TSPAN9: variants seen among roughly 807,000 people sequenced by gnomAD.
TSPAN9 encodes the protein tetraspanin-9.
A neutral mutation model predicts 31.0 loss-of-function variants in TSPAN9; 16 were observed. The observed-to-expected ratio is 0.52, with a 90% confidence interval of 0.35 to 0.78. The LOEUF (loss-of-function observed/expected upper bound fraction) is 0.78. TSPAN9 is among the 30% of genes least tolerant of loss of function. TSPAN9 has a pLI of 0.01. For missense variants in TSPAN9, 272 were observed against 312.5 expected (o/e 0.87, Z 0.98); for synonymous variants, 145 against 121.6 (o/e 1.19, Z -1.27).
intron 3 of TSPAN9, among the ~76,000 whole-genome samples, chr12:3,264,518 A>G (rs2153979373): frequency 6.6e-6 from 1 of 152,276 alleles, no homozygotes. Flanking sequence ...CGGCAGAGGG[A>G]GTAGAGCCCA....
intron 2 of TSPAN9, among the ~76,000 whole-genome samples, chr12:3,183,112 G>T (rs945497033): frequency 6.6e-6 from 1 of 152,212 alleles, no homozygotes; most frequent in African/African-American, 2.4e-5. Context: ...CACCCGCGGT[G>T]GCCAAGTGCT....
intron 3 of TSPAN9, among the ~76,000 whole-genome samples, chr12:3,227,342 G>A (rs919863579): frequency 6.6e-6 from 1 of 152,172 alleles, no homozygotes; most frequent in African/African-American, 2.4e-5. Flanking sequence ...TTGCCCTGCT[G>A]GGGGCAGGCT....
intron 2 of TSPAN9, among the ~76,000 whole-genome samples, chr12:3,165,530 G>A (rs1390709208): frequency 1.3e-5 from 2 of 152,136 alleles, no homozygotes; most frequent in African/African-American, 4.8e-5. Context: ...AAATGTTAGT[G>A]AGTGAGTTCT....
At chr12:3,120,977 G>C (rs1268748986) in intron 2 of TSPAN9, among the ~76,000 whole-genome samples, 6 of 152,236 alleles carry the variant, frequency 3.9e-5, no homozygotes, top group Non-Finnish European at 8.8e-5. Flanking sequence ...GGAGTCAGTA[G>C]GCCTGGGTCC....
In TSPAN9 at chr12:3,081,844, G is replaced by GTATATATA. The variant is rs57307487; in HGVS notation, c.-84-1807_-84-1800dup. ...TGTGTGTGTGTGTGTGTCTGTGTGT[G>GTATATATA]TATATATATGCCAGGTGTGGTGGTA... On this transcript the variant is annotated intron_variant, in intron 1 of 8. Coordinates refer to ENST00000011898, the MANE Select transcript of TSPAN9 (RefSeq NM_006675.5). Among the ~76,000 whole-genome samples, 35 of 116,768 alleles carry GTATATATA rather than the reference G, an allele frequency of 3.0e-4. 1 individual carries two copies. Among genetic ancestry groups the GTATATATA allele is most frequent in the African/African-American group, 1.2e-3 (32 of 27,444 alleles). The allele number at this position is 116,768 out of a possible 152,430, so 76.6% of individuals were successfully genotyped here. A position where few individuals can be genotyped will look rare whatever the true frequency, so the allele number is the denominator to read the frequency against.
intron 3 of TSPAN9, among the ~76,000 whole-genome samples, chr12:3,254,654 C>G (rs1358270174): frequency 2.0e-5 from 3 of 152,200 alleles, no homozygotes; most frequent in Non-Finnish European, 4.4e-5. Flanking sequence ...TGTGTATTAA[C>G]TTATTTTTGC....
chr12:3,117,929 G>A (rs2098323179), intron 2 of TSPAN9, among the ~76,000 whole-genome samples: 1 of 152,082 alleles, frequency 6.6e-6, no homozygotes, highest in Admixed American at 6.6e-5. Flanking sequence ...CCTCAGGGCT[G>A]GGAGGTGAAG....
intron 2 of TSPAN9, among the ~76,000 whole-genome samples, chr12:3,161,371 T>G (rs1237362132): frequency 1.3e-5 from 2 of 152,254 alleles, no homozygotes; most frequent in African/African-American, 4.8e-5. Context: ...TTTATAGTTT[T>G]AACTCTTACA....
chr12:3,132,663 C>T (rs2098330312), intron 2 of TSPAN9, among the ~76,000 whole-genome samples: 2 of 152,224 alleles, frequency 1.3e-5, no homozygotes, highest in Admixed American at 6.5e-5. Context: ...CAGGGCAGGC[C>T]TCCAGCTAGG....
At chr12:3,158,937 C>T (rs571204367) in intron 2 of TSPAN9, among the ~76,000 whole-genome samples, 4 of 151,704 alleles carry the variant, frequency 2.6e-5, no homozygotes, top group Non-Finnish European at 5.9e-5. Flanking sequence ...ACGTACTCCT[C>T]CTTTGCCCGG....
intron 2 of TSPAN9, among the ~76,000 whole-genome samples, chr12:3,137,089 T>A (rs185798175): frequency 6.6e-6 from 1 of 152,290 alleles, no homozygotes; most frequent in East Asian, 1.9e-4. Flanking sequence ...GGACCCTCTT[T>A]CCAATTGGAC....
intron 2 of TSPAN9, among the ~76,000 whole-genome samples, chr12:3,095,465 C>A (rs1251483960): frequency 7.1e-6 from 1 of 140,096 alleles, no homozygotes; most frequent in East Asian, 2.1e-4. Context: ...AGGCGCCCCT[C>A]ACCTCCCGGA....
chr12:3,081,844 G>GTGTATATGTATATATATATATA, intron 1 of TSPAN9, among the ~76,000 whole-genome samples: 1 of 116,770 alleles, frequency 8.6e-6, no homozygotes, highest in African/African-American at 3.6e-5. Context: ...GTCTGTGTGT[G>GTGTATATGTATATATATATATA]TATATATATG....
rs117162842 is a variant in TSPAN9 at position 3,225,613 on chromosome 12, C to T, written c.63+24357C>T. Among the ~76,000 whole-genome samples, 15 of 152,214 alleles carry T rather than the reference C, an allele frequency of 9.9e-5. No homozygotes were observed. The East Asian group carries it at 1.2e-3, about 12-fold the overall frequency. On this transcript the variant is annotated intron_variant, in intron 3 of 8. Transcript: ENST00000011898. ...TCCTCGTGGGAAGATGAGCAATGTACCCCTGCACAGTGCCTGACTCATGCT... is the reference window on the plus strand; with the variant it reads ...TCCTCGTGGGAAGATGAGCAATGTATCCCTGCACAGTGCCTGACTCATGCT...
intron 2 of TSPAN9, among the ~76,000 whole-genome samples, chr12:3,120,643 G>T (rs10848808): frequency 6.6e-6 from 1 of 152,144 alleles, no homozygotes; most frequent in African/African-American, 2.4e-5. Context: ...CACTAGCCCA[G>T]GTTGGGCTAG....
At chr12:3,119,965 T>C (rs903789831) in intron 2 of TSPAN9, among the ~76,000 whole-genome samples, 6 of 152,114 alleles carry the variant, frequency 3.9e-5, no homozygotes, top group African/African-American at 1.4e-4. Flanking sequence ...GTCACTCTGC[T>C]TTCTGGGCCT....
At chr12:3,242,267 G>A (rs189013775) in intron 3 of TSPAN9, among the ~76,000 whole-genome samples, 2 of 152,338 alleles carry the variant, frequency 1.3e-5, no homozygotes, top group East Asian at 1.9e-4. Context: ...GGGCAAGGAG[G>A]CCCTTGCCAG....
At chr12:3,220,238 C>T (rs73043510) in intron 3 of TSPAN9, among the ~76,000 whole-genome samples, 30 of 152,262 alleles carry the variant, frequency 2.0e-4, no homozygotes, top group East Asian at 9.6e-4. Context: ...AAGCTGACAC[C>T]GTGCTGTGCC....
At chr12:3,100,984 G>A (rs113050667) in intron 2 of TSPAN9, among the ~76,000 whole-genome samples, 6 of 152,328 alleles carry the variant, frequency 3.9e-5, no homozygotes, top group African/African-American at 1.4e-4. Flanking sequence ...ACCATCCCGG[G>A]TGTGGAGCTT....
Sources: gnomAD v4.1 joint callset for allele counts (sites outside exome capture counted in the v4.1 genomes callset) on GRCh38, gnomAD v4.1.1 for gene constraint, MANE v1.5 for transcripts, NCBI Gene and HGNC (gene_info 2026-07-23, HGNC 2026-07-21) for gene names.